UTRN: variants seen among roughly 807,000 people sequenced by gnomAD.
The protein encoded by UTRN is utrophin.
A neutral mutation model predicts 463.9 loss-of-function variants in UTRN; 283 were observed. The observed-to-expected ratio is 0.61, with a 90% CI of 0.55 to 0.67. The LOEUF is 0.67. UTRN is among the 30% of genes least tolerant of loss of function. The pLI, the probability that UTRN is intolerant of heterozygous loss-of-function variation, is 0.00. For missense variants in UTRN, 3,922 were observed against 4,084.3 expected (o/e 0.96, Z 1.08); for synonymous variants, 1,442 against 1,431.5 (o/e 1.01, Z -0.17).
In UTRN at chr6:144,448,727, C is replaced by A. The variant is rs781478544; in HGVS notation, c.2030C>A (p.Pro677Gln). Residue 677 changes from proline to glutamine, a missense_variant, in exon 17 of 75, where the codon CCA becomes CAA. Transcript: ENST00000367545. ...SKQELPPPPP[P>Q]KKRQIHVDIE... ...CAGGAACTGCCTCCTCCTCCTCCCC[C>A]AAAGAAGAGACAGATCCATGTGGAT... The A allele has an allele frequency of 8.7e-6, 14 of 1,613,736 alleles. No individual in the cohort carries two copies. Among genetic ancestry groups the A allele is most frequent in the Non-Finnish European group, 1.2e-5 (14 of 1,179,916 alleles).
chr6:144,331,687 C>T (rs1776343278), intron 2 of UTRN, among the ~76,000 whole-genome samples: 1 of 152,194 alleles, frequency 6.6e-6, no homozygotes, highest in Non-Finnish European at 1.5e-5. Flanking sequence ...TGCTTGCAGG[C>T]TTTCAAACGC....
At chr6:144,402,595 T>C (rs1023335636) in intron 2 of UTRN, among the ~76,000 whole-genome samples, 1 of 152,200 alleles carries the variant, frequency 6.6e-6, no homozygotes, top group Non-Finnish European at 1.5e-5. Context: ...TAAAACCTCA[T>C]GCCAATCTTA....
intron 47 of UTRN, among the ~76,000 whole-genome samples, chr6:144,550,228 G>T (rs1270118507): frequency 6.6e-6 from 1 of 152,184 alleles, no homozygotes; most frequent in African/African-American, 2.4e-5. Context: ...AGGATTGAAA[G>T]TTGTGAGCAA....
In UTRN at chr6:144,447,767, G is replaced by C. The variant is rs1401625092; in HGVS notation, c.1888G>C (p.Asp630His). ...RWDSLVQRLEDSSNQVTQAVA... is the reference protein window; with the variant it reads ...RWDSLVQRLEHSSNQVTQAVA... ...GGATTCTTTGGTTCAGAGACTAGAAGATTCCTCCAACCAGGTACTTTTTGA... is the reference window on the plus strand; with the variant it reads ...GGATTCTTTGGTTCAGAGACTAGAACATTCCTCCAACCAGGTACTTTTTGA... Residue 630 changes from aspartate (D) to histidine (H), a missense_variant, in exon 16 of 75, where the codon GAT (aspartate) becomes CAT (histidine). This residue lies in a region of UTRN where 2,349 missense variants were observed against 2,303.8 expected (regional missense o/e 1.02). Coordinates refer to ENST00000367545, the MANE Select transcript of UTRN (RefSeq NM_007124.3). 2 of 1,611,610 alleles carry C rather than the reference G, an allele frequency of 1.2e-6. No homozygotes were observed. The highest frequency in any genetic ancestry group is 3.3e-5 in the Admixed American group (2 of 59,728).
At chr6:144,845,467 C>A (rs1781935074) in intron 73 of UTRN, among the ~76,000 whole-genome samples, 2 of 152,142 alleles carry the variant, frequency 1.3e-5, no homozygotes, top group Admixed American at 6.6e-5. Context: ...TCATCAAAAA[C>A]CCAAAACCCA....
intron 23 of UTRN, among the ~76,000 whole-genome samples, chr6:144,466,993 A>T (rs984379250): frequency 3.9e-5 from 6 of 152,156 alleles, no homozygotes; most frequent in African/African-American, 7.2e-5. Context: ...TCTGGAATTC[A>T]TCTTTCACAC....
intron 51 of UTRN, among the ~76,000 whole-genome samples, chr6:144,611,010 C>T (rs565636856): frequency 1.1e-4 from 16 of 152,270 alleles, no homozygotes; most frequent in African/African-American, 3.6e-4. Context: ...AGTCATTTAC[C>T]ATGATCATTG....
chr6:144,548,733 A>T lies in UTRN; in HGVS notation c.6689A>T (p.Asp2230Val). ...ACTTCGGAAATTTCAATTCCTGCTG[A>T]TCTTGATAAAACTATAACAGAACTA... ...HRTSEISIPA[D>V]LDKTITELAD... is the part of the protein sequence containing the mutation. Residue 2230 changes from aspartate (D) to valine (V), a missense_variant, in exon 47 of 75, where the codon GAT becomes GTT. Physicochemically the swap from Asp to Val is radical, Grantham distance 152. This residue lies in a region of UTRN where 2,349 missense variants were observed against 2,303.8 expected (regional missense o/e 1.02). Coordinates refer to ENST00000367545, the MANE Select transcript of UTRN (RefSeq NM_007124.3). 1 of 1,614,038 alleles carries T rather than the reference A, an allele frequency of 6.2e-7. No individual in the cohort carries two copies. The highest frequency in any genetic ancestry group is 8.5e-7 in the Non-Finnish European group (1 of 1,179,940).
chr6:144,372,001 A>G (rs571964651), intron 2 of UTRN, among the ~76,000 whole-genome samples: 1 of 152,332 alleles, frequency 6.6e-6, no homozygotes, highest in East Asian at 1.9e-4. Context: ...ATAAGAAAGA[A>G]AGTTTCCTAC....
chr6:144,375,136 T>G (rs1048311124), intron 2 of UTRN, among the ~76,000 whole-genome samples: 1 of 152,156 alleles, frequency 6.6e-6, no homozygotes, highest in Non-Finnish European at 1.5e-5. Context: ...ACTTGAATGT[T>G]TTTTGAAAAT....
At chr6:144,807,486 A>G (rs1249389974) in intron 65 of UTRN, among the ~76,000 whole-genome samples, 3 of 152,072 alleles carry the variant, frequency 2.0e-5, no homozygotes, top group Non-Finnish European at 2.9e-5. Flanking sequence ...CTACTATTCT[A>G]TAATCCAAAT....
chr6:144,557,182 G>A lies in UTRN; in HGVS notation c.7160G>A (p.Gly2387Glu), dbSNP rs368443625. The A allele has an allele frequency of 5.0e-6, 8 of 1,613,796 alleles. No homozygotes were observed. In the African/African-American group the frequency reaches 6.7e-5, roughly 13 times the overall value. The change falls in exon 50 of 75, where the codon GGA becomes GAA. Residue 2387 changes from glycine to glutamate, a missense_variant. Physicochemically the swap from Gly to Glu is moderately conservative, Grantham distance 98. Coordinates refer to ENST00000367545, the MANE Select transcript of UTRN (RefSeq NM_007124.3). ...NQILLQELGPGDGIVMAFDNV... is the reference protein window; with the variant it reads ...NQILLQELGPEDGIVMAFDNV... ...ATACTGCTTCAAGAACTGGGTCCTGGAGATGGTATCGTCATGGCGTTCGAT... is the reference window on the plus strand; with the variant it reads ...ATACTGCTTCAAGAACTGGGTCCTGAAGATGGTATCGTCATGGCGTTCGAT...
At chr6:144,400,367 A>G (rs1324842178) in intron 2 of UTRN, among the ~76,000 whole-genome samples, 1 of 152,204 alleles carries the variant, frequency 6.6e-6, no homozygotes, top group South Asian at 2.1e-4. Flanking sequence ...GAAGTTCTGT[A>G]TAAATTTCTA....
intron 6 of UTRN, among the ~76,000 whole-genome samples, chr6:144,425,098 A>G (rs1785179051): frequency 6.6e-6 from 1 of 152,196 alleles, no homozygotes; most frequent in South Asian, 2.1e-4. Flanking sequence ...ATGTCTCTTT[A>G]GTCCTCTTTA....
intron 28 of UTRN, among the ~76,000 whole-genome samples, chr6:144,486,964 A>C (rs1316810487): frequency 2.0e-5 from 3 of 152,160 alleles, no homozygotes; most frequent in African/African-American, 7.2e-5. Context: ...CATATGGTTA[A>C]TTAGATTTAT....
intron 52 of UTRN, among the ~76,000 whole-genome samples, chr6:144,692,480 A>G (rs575727646): frequency 6.6e-6 from 1 of 152,034 alleles, no homozygotes; most frequent in African/African-American, 2.4e-5. Flanking sequence ...CTGTCTTCTC[A>G]ATAGATGAAC....
At chr6:144,449,777 C>T (rs1290615583) in intron 17 of UTRN, among the ~76,000 whole-genome samples, 5 of 152,124 alleles carry the variant, frequency 3.3e-5, no homozygotes, top group Admixed American at 2.6e-4. Flanking sequence ...CTTAATGTAT[C>T]GAGAAGCTCT....
intron 31 of UTRN, 61 bp downstream of exon 31, chr6:144,490,260 GA>G: frequency 1.3e-6 from 2 of 1,560,594 alleles, no homozygotes; most frequent in Non-Finnish European, 1.7e-6. Context: ...CTTCAAAAAA[GA>G]GAAAGAATTG....
At chr6:144,514,084 G>C in intron 36 of UTRN, 47 bp downstream of exon 36, 1 of 1,608,648 alleles carries the variant, frequency 6.2e-7, no homozygotes, top group South Asian at 1.1e-5. Context: ...GGCATGTTTT[G>C]TTGTCATGTT....
Sources: gnomAD v4.1 joint callset for allele counts (sites outside exome capture counted in the v4.1 genomes callset) on GRCh38, gnomAD v4.1.1 for gene constraint, gnomAD v4.1.1 regional missense constraint, MANE v1.5 for transcripts, NCBI Gene and HGNC (gene_info 2026-07-23, HGNC 2026-07-21) for gene names.